Variants in PEX11G observed in about 807,000 individuals in gnomAD.
The protein encoded by PEX11G is peroxisomal biogenesis factor 11 gamma, also known as peroxisomal membrane protein 11C.
A neutral mutation model predicts 22.5 loss-of-function variants in PEX11G; 20 were observed. The ratio of observed to expected loss-of-function variants is 0.89; its 90% confidence interval spans 0.62 to 1.29. The LOEUF is 1.29. Ranked by LOEUF, PEX11G falls within the 50% of genes most tolerant of loss-of-function variation. PEX11G has a pLI of 0.00. For synonymous variants in PEX11G, 141 were observed against 154.5 expected (o/e 0.91, Z 0.65); for missense variants, 347 against 331.3 (o/e 1.05, Z -0.37).
chr19:7,477,326 C>CG lies in PEX11G; in HGVS notation c.601dup (p.Arg201ProfsTer89). On this transcript the variant is annotated frameshift_variant, in exon 5 of 5. Transcript: ENST00000221480. LOFTEE classifies it high-confidence loss of function. Reference sequence around the variant, plus strand: ...GAAGCGGCCGGCCCACAGCACGCCCCGGGGCAGCCAGTGCACGGCGTTGGC... The same window carrying CG: ...GAAGCGGCCGGCCCACAGCACGCCCCGGGGGCAGCCAGTGCACGGCGTTGGC... 1.9e-6 allele frequency: 3 copies of CG among 1,560,174 alleles called. No individual in the cohort carries two copies. The highest frequency in any genetic ancestry group is 2.4e-5 in the East Asian group (1 of 41,884).
chr19:7,487,688 C>T (rs1373304706), intron 1 of PEX11G, among the ~76,000 whole-genome samples: 1 of 152,186 alleles, frequency 6.6e-6, no homozygotes, highest in Non-Finnish European at 1.5e-5. Context: ...TCCCAAAGTG[C>T]TAGGATCACA....
intron 2 of PEX11G, among the ~76,000 whole-genome samples, chr19:7,482,967 G>A (rs1027961175): frequency 6.6e-6 from 1 of 152,176 alleles, no homozygotes; most frequent in African/African-American, 2.4e-5. Context: ...TAATCACACG[G>A]CCTAGAGCCA....
At chr19:7,481,185 C>T (rs1249995470) in intron 3 of PEX11G, among the ~76,000 whole-genome samples, 1 of 151,940 alleles carries the variant, frequency 6.6e-6, no homozygotes, top group East Asian at 1.9e-4. Context: ...GATATTTTGC[C>T]GATGGGATTA....
chr19:7,492,682 T>C (rs1448620174), upstream of PEX11G, among the ~76,000 whole-genome samples: 2 of 152,156 alleles, frequency 1.3e-5, no homozygotes, highest in Admixed American at 6.6e-5. Flanking sequence ...TCTCAAGAAA[T>C]CTGCCCACCT....
chr19:7,484,012 T>C (rs952167251), intron 2 of PEX11G, among the ~76,000 whole-genome samples: 5 of 152,170 alleles, frequency 3.3e-5, no homozygotes, highest in South Asian at 2.1e-4. Flanking sequence ...CGAAGCTGCA[T>C]AGCAGAGCAC....
At chr19:7,491,238 C>G (rs1488672417), upstream of PEX11G, 1 of 149,652 alleles carries the variant, frequency 6.7e-6, no homozygotes, top group African/African-American at 2.5e-5. Flanking sequence ...TCTCTGCTGT[C>G]TCTCTGTATT....
intron 2 of PEX11G, among the ~76,000 whole-genome samples, chr19:7,482,885 AG>A: frequency 6.6e-6 from 1 of 152,206 alleles, no homozygotes. Context: ...ATGGGCCTCC[AG>A]GCCCTCGAAT....
At chr19:7,483,904 C>T (rs936932287) in intron 2 of PEX11G, among the ~76,000 whole-genome samples, 41 of 152,118 alleles carry the variant, frequency 2.7e-4, no homozygotes, top group African/African-American at 8.9e-4. Flanking sequence ...GCCTGTGGGA[C>T]GCCGCAGGGA....
At chr19:7,485,338 T>C (rs1323326385) in intron 2 of PEX11G, among the ~76,000 whole-genome samples, 1 of 151,924 alleles carries the variant, frequency 6.6e-6, no homozygotes, top group Non-Finnish European at 1.5e-5. Flanking sequence ...GCCAGGCTAA[T>C]TTTTGTATTA....
chr19:7,486,196 G>A (rs1274440756), intron 1 of PEX11G, among the ~76,000 whole-genome samples, 170 bp from the exon 2 acceptor site: 2 of 152,064 alleles, frequency 1.3e-5, no homozygotes, highest in South Asian at 2.1e-4. Flanking sequence ...GCACGATCTC[G>A]GCTCACCGCA....
At chr19:7,482,672 T>C (rs1407749737) in intron 2 of PEX11G, among the ~76,000 whole-genome samples, 1 of 152,176 alleles carries the variant, frequency 6.6e-6, no homozygotes, top group Non-Finnish European at 1.5e-5. Flanking sequence ...TGCCAGACTC[T>C]ATGCAGGGAG....
At position 7,482,065 on chromosome 19, in the gene PEX11G, C is replaced by T. The variant is rs1379213342; in HGVS notation, c.396G>A (p.Leu132=). ...SSRWWTLSTT[L]WALSLLLGVA... is the part of the protein sequence containing the mutation. ...CCCCCAGGAGCAGAGAGAGGGCCCA[C>T]AGGGTTGTACTCAGCGTCCACCACC... is the stretch of plus-strand genomic sequence containing the variant. Residue 132 remains leucine, a synonymous_variant, in exon 3 of 5, where the codon CTG becomes CTA. Transcript: ENST00000221480. 1 of 1,604,910 alleles carries T rather than the reference C, an allele frequency of 6.2e-7. No homozygotes were observed. Among genetic ancestry groups the T allele is most frequent in the African/African-American group, 1.3e-5 (1 of 74,640 alleles).
At chr19:7,490,644 T>A (rs997952132), upstream of PEX11G, among the ~76,000 whole-genome samples, 5 of 51,072 alleles carry the variant, frequency 9.8e-5, no homozygotes, top group Admixed American at 4.9e-4. Context: ...TGGCCTCTAT[T>A]TTTTTTTTTT....
chr19:7,485,721 G>T, intron 2 of PEX11G, 117 bp downstream of exon 2: 1 of 911,140 alleles, frequency 1.1e-6, no homozygotes, highest in Non-Finnish European at 1.6e-6. Flanking sequence ...CGCCAGCCTT[G>T]GCCTCACAAA....
chr19:7,482,135 A>T lies in PEX11G; in HGVS notation c.326T>A (p.Val109Glu). 1 of 1,596,464 alleles carries T rather than the reference A, an allele frequency of 6.3e-7. No individual in the cohort carries two copies. Among genetic ancestry groups the T allele is most frequent in the Non-Finnish European group, 8.5e-7 (1 of 1,172,034 alleles). ...GACCCGGGCATCAGCCGCCCAGGCCACGTGCTCACAGGGGTAGTAGAGCTG... is the reference window on the plus strand; with the variant it reads ...GACCCGGGCATCAGCCGCCCAGGCCTCGTGCTCACAGGGGTAGTAGAGCTG... ...ADQLYYPCEH[V>E]AWAADARVLH... Residue 109 changes from valine to glutamate, a missense_variant, in exon 3 of 5, where the codon GTG becomes GAG. By Grantham distance (121) the Val-to-Glu change is moderately radical. Coordinates refer to ENST00000221480, the MANE Select transcript of PEX11G (RefSeq NM_080662.4).
At position 7,479,953 on chromosome 19, in the gene PEX11G, C is replaced by T. The variant is rs559026321; in HGVS notation, c.429-1577G>A. 2.2e-4 allele frequency among the ~76,000 whole-genome samples: 33 copies of T among 152,136 alleles called. No homozygotes were observed. The South Asian group carries it at 6.9e-3, about 32-fold the overall frequency. ...CGTTATGCTCAATTTTGCCATGAGCCTAAAACTGCTCTAAAAAAATAAAGT... is the reference window on the plus strand; with the variant it reads ...CGTTATGCTCAATTTTGCCATGAGCTTAAAACTGCTCTAAAAAAATAAAGT... On this transcript the variant is annotated intron_variant, in intron 3 of 4. Transcript: ENST00000221480.
chr19:7,478,867 A>G (rs548527684), intron 3 of PEX11G, among the ~76,000 whole-genome samples: 9 of 152,244 alleles, frequency 5.9e-5, no homozygotes, highest in African/African-American at 1.2e-4. Context: ...ACCTGTCTGG[A>G]TGATCCCCTG....
intron 2 of PEX11G, among the ~76,000 whole-genome samples, chr19:7,482,773 C>A (rs1977555587): frequency 6.6e-6 from 1 of 152,236 alleles, no homozygotes; most frequent in Non-Finnish European, 1.5e-5. Flanking sequence ...ACGCGCCAGG[C>A]ACAGTGCGGC....
intron 2 of PEX11G, among the ~76,000 whole-genome samples, chr19:7,483,090 G>C (rs144162906): frequency 0.098 from 14,545 of 147,980 alleles, 839 homozygotes; most frequent in South Asian, 0.17. Context: ...CCCCCCTTGG[G>C]ACCCCGCCCA....
Sources: gnomAD v4.1 joint callset for allele counts (sites outside exome capture counted in the v4.1 genomes callset) on GRCh38, gnomAD v4.1.1 for gene constraint, MANE v1.5 for transcripts, NCBI Gene and HGNC (gene_info 2026-07-23, HGNC 2026-07-21) for gene names.